DZIP1L: variants seen among roughly 807,000 people sequenced by gnomAD.
The protein encoded by DZIP1L is cilium assembly protein DZIP1L.
Under a neutral mutation model 88.7 loss-of-function variants are expected in DZIP1L, and 90 were observed. The ratio of observed to expected loss-of-function variants is 1.02; its 90% CI spans 0.86 to 1.21. DZIP1L has a LOEUF of 1.21. Ranked by LOEUF, DZIP1L falls within the 50% of genes most tolerant of loss-of-function variation. DZIP1L has a pLI of 0.00. For missense variants in DZIP1L, 932 were observed against 955.8 expected (o/e 0.98, Z 0.33); for synonymous variants, 363 against 372.1 (o/e 0.98, Z 0.28).
chr3:138,112,337 T>G (rs530605610), intron 1 of DZIP1L: 2 of 152,194 alleles, frequency 1.3e-5, no homozygotes, highest in Non-Finnish European at 2.9e-5. Flanking sequence ...ATATACAAAT[T>G]ATTTTCCATT....
In DZIP1L at chr3:138,108,181, A is replaced by G. The variant is rs145061271; in HGVS notation, c.-81-4129T>C. The G allele has an allele frequency of 1.4e-5, 14 of 985,102 alleles. No individual in the cohort carries two copies. The East Asian group carries it at 1.5e-3, about 104-fold the overall frequency. 61.0% of individuals were successfully genotyped at this position (985,102 alleles called of 1,614,324 possible). On this transcript the variant is annotated intron_variant, in intron 1 of 15. Transcript: ENST00000327532. ...TGTATTTTGAGTAGAGATGGGTGAC[A>G]TGATACTCACCATGCTTAGCTCCAA... is the stretch of plus-strand genomic sequence containing the variant.
chr3:138,097,421 T>C (rs914919351), intron 3 of DZIP1L, among the ~76,000 whole-genome samples: 1 of 152,122 alleles, frequency 6.6e-6, no homozygotes, highest in African/African-American at 2.4e-5. Context: ...GGCTGGAAGG[T>C]AAGAGCCCTT....
chr3:138,077,034 A>C (rs942658303), intron 11 of DZIP1L, among the ~76,000 whole-genome samples: 4 of 152,182 alleles, frequency 2.6e-5, no homozygotes, highest in East Asian at 1.9e-4. Context: ...AAAAAAAAAA[A>C]CAAATAATTG....
At chr3:138,107,989 C>T (rs1345723467) in intron 1 of DZIP1L, among the ~76,000 whole-genome samples, 1 of 152,190 alleles carries the variant, frequency 6.6e-6, no homozygotes, top group African/African-American at 2.4e-5. Flanking sequence ...AGCACCCCCA[C>T]CATGGCCATG....
At chr3:138,099,178 G>A (rs1157862795) in intron 2 of DZIP1L, among the ~76,000 whole-genome samples, 2 of 152,210 alleles carry the variant, frequency 1.3e-5, no homozygotes, top group Admixed American at 1.3e-4. Context: ...CCTAGTTTCT[G>A]GCAAGGAGGT....
Position 138,097,923 on chromosome 3 carries a change from C to T in DZIP1L, c.502-76G>A, listed in dbSNP as rs1045748634. ...GCCTGGGATTTTCCCTATATCAAAG[C>T]CCCCATCCCCTTGGGACCCCTGGGC... On this transcript the variant is annotated intron_variant, in intron 2 of 15. Coordinates refer to ENST00000327532, the MANE Select transcript of DZIP1L (RefSeq NM_173543.3). The T allele has an allele frequency of 8.1e-5, 105 of 1,301,868 alleles. No individual in the cohort carries two copies. The African/African-American group carries it at 1.3e-3, about 16-fold the overall frequency. 80.6% of individuals were successfully genotyped at this position (1,301,868 alleles called of 1,614,324 possible).
rs768188379 is a variant in DZIP1L, at chr3:138,062,884, A to G, written c.2236T>C (p.Ser746Pro). The change falls in exon 16 of 16, where the codon TCA becomes CCA. Residue 746 changes from serine (S) to proline (P), a missense_variant. Physicochemically the swap from Ser to Pro is moderately conservative, Grantham distance 74 (BLOSUM62 -1). Coordinates refer to ENST00000327532, the MANE Select transcript of DZIP1L (RefSeq NM_173543.3). The part of the protein sequence containing the change: ...QREKPKPLSR[S>P]KLPEKFGTGP... ...GTGCCAAACTTCTCTGGGAGCTTTG[A>G]GCGAGACAAGGGCTTGGGTTTCTCT... 1 of 1,614,214 alleles carries G rather than the reference A, an allele frequency of 6.2e-7. No individual in the cohort carries two copies.
intron 10 of DZIP1L, among the ~76,000 whole-genome samples, chr3:138,079,527 T>C (rs1186408510): frequency 6.6e-6 from 1 of 152,220 alleles, no homozygotes; most frequent in Non-Finnish European, 1.5e-5. Context: ...CAGAACAATG[T>C]GTACAGTGTG....
chr3:138,084,452 T>G (rs547116144), intron 7 of DZIP1L, among the ~76,000 whole-genome samples, 199 bp from the exon 8 acceptor site: 2 of 152,298 alleles, frequency 1.3e-5, no homozygotes, highest in African/African-American at 4.8e-5. Context: ...AAGAATGGAA[T>G]GCATGCCTTT....
intron 10 of DZIP1L, among the ~76,000 whole-genome samples, chr3:138,078,465 C>A (rs1236984595): frequency 1.3e-5 from 2 of 152,202 alleles, no homozygotes; most frequent in Non-Finnish European, 2.9e-5. Flanking sequence ...CAGGCTGATT[C>A]CATCAGAATC....
chr3:138,105,747 C>A (rs75535866), intron 1 of DZIP1L, among the ~76,000 whole-genome samples: 1,800 of 151,994 alleles, frequency 0.012, 43 homozygotes, highest in African/African-American at 0.041. Context: ...CCCATACACA[C>A]ACATACATAT....
At chr3:138,088,854 T>C (rs931356286) in intron 5 of DZIP1L, 1 of 994,282 alleles carries the variant, frequency 1.0e-6, no homozygotes, top group Non-Finnish European at 1.2e-6. Context: ...ATGAGACTCT[T>C]AGAGCCTATG....
At position 138,115,326 on chromosome 3, in the gene DZIP1L, A is replaced by T. The variant is rs2042674495; in HGVS notation, c.-82+2T>A. On this transcript the variant is annotated splice_donor_variant, in intron 1 of 15. Transcript: ENST00000327532. LOFTEE classifies it low-confidence loss of function (5UTR_SPLICE). ...CATAGTTTTCCCGCGCGGCCCGCTC[A>T]CCGTGGGGTCTCCTGGAGCCGGGGA... 6.6e-6 allele frequency: 1 copy of T among 152,054 alleles called. No homozygotes were observed. The highest frequency in any genetic ancestry group is 1.5e-5 in the Non-Finnish European group (1 of 68,010). 9.4% of individuals were successfully genotyped at this position (152,054 alleles called of 1,614,324 possible). A position where few individuals can be genotyped will look rare whatever the true frequency, so the allele number is the denominator to read the frequency against.
intron 2 of DZIP1L, among the ~76,000 whole-genome samples, chr3:138,098,969 A>T (rs1165836706): frequency 6.6e-6 from 1 of 151,876 alleles, no homozygotes; most frequent in African/African-American, 2.4e-5. Flanking sequence ...AACCTGGAGA[A>T]ACCCTGTCTC....
At chr3:138,076,560 C>A (rs1382457391) in intron 11 of DZIP1L, among the ~76,000 whole-genome samples, 1 of 152,116 alleles carries the variant, frequency 6.6e-6, no homozygotes, top group Non-Finnish European at 1.5e-5. Context: ...TATATACATA[C>A]CATGGAATAC....
At position 138,081,789 on chromosome 3, in the gene DZIP1L, G is replaced by A. The variant is rs376375553; in HGVS notation, c.1204-25C>T. 3 of 1,611,834 alleles carry A rather than the reference G, an allele frequency of 1.9e-6. No homozygotes were observed. The African/African-American group carries it at 4.0e-5, about 22-fold the overall frequency. Reference sequence around the variant, plus strand: ...TCTGCAAAGAGGTGGAATAGAGCGGGTTACAACCAGCAGAGAACATTGTGA... The same window carrying A: ...TCTGCAAAGAGGTGGAATAGAGCGGATTACAACCAGCAGAGAACATTGTGA... On this transcript the variant is annotated intron_variant, in intron 8 of 15. Coordinates refer to ENST00000327532, the MANE Select transcript of DZIP1L (RefSeq NM_173543.3).
chr3:138,081,781 T>C lies in DZIP1L; in HGVS notation c.1204-17A>G, dbSNP rs771511200. 20 of 1,612,662 alleles carry C rather than the reference T, an allele frequency of 1.2e-5. No homozygotes were observed. The African/African-American group carries it at 2.5e-4, about 20-fold the overall frequency. ...GGACTGGATCTGCAAAGAGGTGGAA[T>C]AGAGCGGGTTACAACCAGCAGAGAA... On this transcript the variant is annotated splice_polypyrimidine_tract_variant and intron_variant, in intron 8 of 15. Transcript: ENST00000327532.
chr3:138,087,062 G>A (rs1406892471), intron 6 of DZIP1L, 39 bp from the exon 7 acceptor site: 2 of 1,595,500 alleles, frequency 1.3e-6, no homozygotes, highest in Non-Finnish European at 1.7e-6. Context: ...GGCCCTTGCA[G>A]GTATTAAAAC....
intron 12 of DZIP1L, among the ~76,000 whole-genome samples, chr3:138,070,911 G>A (rs544907052): frequency 1.3e-5 from 2 of 152,276 alleles, no homozygotes; most frequent in East Asian, 1.9e-4. Flanking sequence ...CTGGAAACAG[G>A]GGGCTCTCAA....
Sources: allele counts gnomAD v4.1 joint callset (sites outside exome capture counted in the v4.1 genomes callset), GRCh38; gene constraint gnomAD v4.1.1; transcripts MANE v1.5; gene names NCBI Gene and HGNC (gene_info 2026-07-23, HGNC 2026-07-21).